SAXO1: variants seen among roughly 807,000 people sequenced by gnomAD.
SAXO1 encodes stabilizer of axonemal microtubules 1, also known as 4930500O09Rik.
SAXO1 carries 21 observed loss-of-function variants against 17.5 expected under a neutral mutation model. That is an observed-to-expected ratio of 1.20 (90% CI 0.85 to 1.72). The LOEUF is 1.72. Among genes scored for constraint, SAXO1 ranks in the 40% most tolerant of loss-of-function variants. SAXO1 has a pLI of 0.00. For missense variants in SAXO1, 843 were observed against 596.0 expected (o/e 1.41, Z -4.32); for synonymous variants, 274 against 216.5 (o/e 1.27, Z -2.33).
chr9:18,993,803 C>A (rs1833905124), intron 1 of SAXO1, among the ~76,000 whole-genome samples: 1 of 152,162 alleles, frequency 6.6e-6, no homozygotes, highest in Admixed American at 6.5e-5. Context: ...CTTAAAGTCA[C>A]CCTATGCCAT....
intron 1 of SAXO1, among the ~76,000 whole-genome samples, chr9:18,957,521 A>G (rs1296210648): frequency 6.6e-6 from 1 of 152,010 alleles, no homozygotes; most frequent in Non-Finnish European, 1.5e-5. Flanking sequence ...TTTGCAGCCC[A>G]TTTTTCCTTT....
intron 3 of SAXO1, among the ~76,000 whole-genome samples, chr9:18,940,703 A>G (rs1831515458): frequency 6.6e-6 from 1 of 152,220 alleles, no homozygotes; most frequent in Non-Finnish European, 1.5e-5. Context: ...CTCCAGTCTC[A>G]TGGTCTCAGT....
Position 18,941,725 on chromosome 9 carries a change from G to C in SAXO1, c.333C>G (p.Pro111=). 1 of 1,613,876 alleles carries C rather than the reference G, an allele frequency of 6.2e-7. No individual in the cohort carries two copies. Among genetic ancestry groups the C allele is most frequent in the Non-Finnish European group, 8.5e-7 (1 of 1,180,032 alleles). The part of the protein sequence containing the change: ...LLTTYKKDYN[P]YPVCRVDPIK... ...TGGGGTCCACTCGACAGACAGGGTAGGGATTGTAATCTTTCTTATACGTCG... is the reference window on the plus strand; with the variant it reads ...TGGGGTCCACTCGACAGACAGGGTACGGATTGTAATCTTTCTTATACGTCG... Residue 111 remains proline, a synonymous_variant, in exon 3 of 4, where the codon CCC becomes CCG. Coordinates refer to ENST00000380534, the MANE Select transcript of SAXO1 (RefSeq NM_153707.4).
At chr9:18,937,194 A>G (rs1367838256) in intron 3 of SAXO1, among the ~76,000 whole-genome samples, 1 of 152,222 alleles carries the variant, frequency 6.6e-6, no homozygotes, top group Non-Finnish European at 1.5e-5. Flanking sequence ...TCATAAATGC[A>G]TGGGGTTATT....
intron 1 of SAXO1, among the ~76,000 whole-genome samples, chr9:19,030,095 G>T (rs1835688088): frequency 6.6e-6 from 1 of 152,182 alleles, no homozygotes; most frequent in African/African-American, 2.4e-5. Flanking sequence ...ACAGGGCTGG[G>T]TTAACAGGGA....
At chr9:18,946,278 C>CAA in intron 2 of SAXO1, among the ~76,000 whole-genome samples, 1 of 64,222 alleles carries the variant, frequency 1.6e-5, no homozygotes, top group Non-Finnish European at 2.4e-5. Flanking sequence ...CTTCATCTCA[C>CAA]CAAAAAAAAA....
At chr9:18,958,104 G>T (rs1242700885) in intron 1 of SAXO1, among the ~76,000 whole-genome samples, 1 of 152,098 alleles carries the variant, frequency 6.6e-6, no homozygotes, top group African/African-American at 2.4e-5. Flanking sequence ...TCCACTCATG[G>T]TGCCAGTGAA....
Position 18,958,073 on chromosome 9 carries a change from C to A in SAXO1, c.39-7136G>T, listed in dbSNP as rs182699175. Among the ~76,000 whole-genome samples the A allele has an allele frequency of 4.1e-3, 624 of 152,212 alleles. 2 individuals are homozygous for A. Among genetic ancestry groups the A allele is most frequent in the Middle Eastern group, 0.037 (11 of 294 alleles). On this transcript the variant is annotated intron_variant, in intron 1 of 3. Coordinates refer to ENST00000380534, the MANE Select transcript of SAXO1 (RefSeq NM_153707.4). The stretch of plus-strand genomic sequence containing the variant: ...AAAGAATCAGAACAGTGAGAGAAAT[C>A]TGAATAACTCCAGCTTATACTCCAC...
At position 19,041,979 on chromosome 9, in the gene SAXO1, T is replaced by C. The variant is rs572382639; in HGVS notation, c.-158+7230A>G. 2.8e-4 allele frequency among the ~76,000 whole-genome samples: 43 copies of C among 152,084 alleles called. No individual in the cohort carries two copies. In the South Asian group the frequency reaches 8.3e-3, roughly 29 times the overall value. On this transcript the variant is annotated intron_variant, in intron 1 of 3. Coordinates refer to the SAXO1 transcript ENST00000542071. ...AAGTTAAAAAGCTTCTACACAGCAATAGAAACAATCAACAAATCAAAGAGA... is the reference window on the plus strand; with the variant it reads ...AAGTTAAAAAGCTTCTACACAGCAACAGAAACAATCAACAAATCAAAGAGA...
chr9:19,000,063 G>C (rs1834190094), intron 1 of SAXO1, among the ~76,000 whole-genome samples: 1 of 147,672 alleles, frequency 6.8e-6, no homozygotes, highest in African/African-American at 2.5e-5. Context: ...ACAACATCTG[G>C]GAAGTGAGGA....
At chr9:18,995,341 T>C (rs1360713736) in intron 1 of SAXO1, among the ~76,000 whole-genome samples, 1 of 152,210 alleles carries the variant, frequency 6.6e-6, no homozygotes, top group Non-Finnish European at 1.5e-5. Context: ...GGATAATTAA[T>C]TCAGGGAACT....
intron 1 of SAXO1, among the ~76,000 whole-genome samples, chr9:19,005,705 A>G (rs1834456292): frequency 6.6e-6 from 1 of 152,220 alleles, no homozygotes; most frequent in South Asian, 2.1e-4. Flanking sequence ...AAAAATCATG[A>G]CATTGGATTT....
At chr9:19,023,572 G>A (rs1835339621) in intron 1 of SAXO1, among the ~76,000 whole-genome samples, 1 of 152,136 alleles carries the variant, frequency 6.6e-6, no homozygotes, top group African/African-American at 2.4e-5. Context: ...CACAGTCTGC[G>A]CTTGGAACTG....
chr9:19,018,512 A>C (rs189040872), intron 1 of SAXO1, among the ~76,000 whole-genome samples: 16 of 152,372 alleles, frequency 1.1e-4, no homozygotes, highest in African/African-American at 3.8e-4. Context: ...CGTGTTTCAA[A>C]AGTCAATACA....
At chr9:18,946,043 A>C (rs1831779951) in intron 2 of SAXO1, among the ~76,000 whole-genome samples, 1 of 152,036 alleles carries the variant, frequency 6.6e-6, no homozygotes, top group African/African-American at 2.4e-5. Flanking sequence ...TTGGGAGGCC[A>C]AGGCAGGCGG....
At chr9:19,006,940 G>A (rs1320873032) in intron 1 of SAXO1, among the ~76,000 whole-genome samples, 1 of 152,156 alleles carries the variant, frequency 6.6e-6, no homozygotes, top group Admixed American at 6.5e-5. Context: ...AGTTACTCGG[G>A]AGGCTGATGC....
chr9:19,018,096 A>G (rs963708788), intron 1 of SAXO1, among the ~76,000 whole-genome samples: 3 of 151,452 alleles, frequency 2.0e-5, no homozygotes, highest in Admixed American at 1.3e-4. Context: ...TGAGTCTGAG[A>G]GTTTGAGGTT....
chr9:18,989,630 T>A (rs549149536), intron 1 of SAXO1, among the ~76,000 whole-genome samples: 5 of 151,494 alleles, frequency 3.3e-5, no homozygotes, highest in East Asian at 1.9e-4. Context: ...TTCAGGCTTT[T>A]AAAAAAAAAT....
chr9:18,939,410 G>T (rs1831452105), intron 3 of SAXO1, among the ~76,000 whole-genome samples: 1 of 152,244 alleles, frequency 6.6e-6, no homozygotes, highest in Admixed American at 6.5e-5. Flanking sequence ...CCCCTTGGAG[G>T]TTACAGCCTG....
Sources: allele counts gnomAD v4.1 joint callset (sites outside exome capture counted in the v4.1 genomes callset), GRCh38; gene constraint gnomAD v4.1.1; transcripts MANE v1.5; gene names NCBI Gene and HGNC (gene_info 2026-07-23, HGNC 2026-07-21).